The following EIF4G3 variants were observed in gnomAD, a reference collection of about 807,000 sequenced individuals.
The protein encoded by EIF4G3 is eIF-4-gamma 3.
Under a neutral mutation model 186.4 loss-of-function variants are expected in EIF4G3, and 34 were observed. The ratio of observed to expected loss-of-function variants is 0.18; its 90% CI spans 0.14 to 0.24. The LOEUF is 0.24. Among genes scored for constraint, EIF4G3 ranks in the 10% least tolerant of loss-of-function variants. The pLI is 1.00. For missense variants in EIF4G3, 1,536 were observed against 1,948.5 expected, an observed-to-expected ratio of 0.79 and a Z score of 3.99; for synonymous variants, 673 against 679.5, an observed-to-expected ratio of 0.99 and a Z score of 0.15.
chr1:20,975,702 A>G (rs1025695862), intron 10 of EIF4G3, among the ~76,000 whole-genome samples: 1 of 151,594 alleles, frequency 6.6e-6, no homozygotes, highest in African/African-American at 2.4e-5. Flanking sequence ...AGAAATGAGT[A>G]ATTTTTACAT....
At chr1:20,831,278 ATTTT>A (rs35154451) in intron 30 of EIF4G3, among the ~76,000 whole-genome samples, 1 of 142,992 alleles carries the variant, frequency 7.0e-6, no homozygotes, top group Admixed American at 6.9e-5. Flanking sequence ...AAAAATATTA[ATTTT>A]TTTTTTTTTT....
intron 26 of EIF4G3, among the ~76,000 whole-genome samples, chr1:20,854,186 C>A (rs1571691341): frequency 6.6e-6 from 1 of 152,136 alleles, no homozygotes; most frequent in East Asian, 1.9e-4. Flanking sequence ...ATCCAAACAT[C>A]TTTGGTCCTG....
intron 7 of EIF4G3, among the ~76,000 whole-genome samples, chr1:20,997,076 G>A (rs2082451050): frequency 1.3e-5 from 2 of 151,936 alleles, no homozygotes; most frequent in Non-Finnish European, 2.9e-5. Context: ...TATTTTCTAT[G>A]TGTTCTAATA....
chr1:20,813,530 C>T (rs990783833), intron 34 of EIF4G3, among the ~76,000 whole-genome samples: 7 of 151,670 alleles, frequency 4.6e-5, no homozygotes. Context: ...GACTGCACCA[C>T]TGCACTCCAG....
At chr1:21,029,042 C>T (rs2092466207) in intron 4 of EIF4G3, among the ~76,000 whole-genome samples, 1 of 152,118 alleles carries the variant, frequency 6.6e-6, no homozygotes, top group Non-Finnish European at 1.5e-5. Flanking sequence ...GCCAATGCGC[C>T]TGGCCCAAAC....
intron 29 of EIF4G3, among the ~76,000 whole-genome samples, chr1:20,846,879 A>G (rs1473984729): frequency 1.3e-5 from 2 of 152,240 alleles, no homozygotes; most frequent in Admixed American, 1.3e-4. Context: ...TATAAAATAT[A>G]GGTATAAGAA....
At chr1:20,918,775 G>A (rs2094198157) in intron 14 of EIF4G3, among the ~76,000 whole-genome samples, 1 of 143,594 alleles carries the variant, frequency 7.0e-6, no homozygotes, top group East Asian at 2.0e-4. Flanking sequence ...TCAACTCCTG[G>A]GCTCAAGTAA....
intron 14 of EIF4G3, chr1:20,929,374 G>A (rs1398730878): frequency 6.6e-6 from 1 of 152,082 alleles, no homozygotes; most frequent in Non-Finnish European, 1.5e-5. Flanking sequence ...GACATAATGG[G>A]TACAAAAACT....
intron 11 of EIF4G3, among the ~76,000 whole-genome samples, chr1:20,972,234 A>G (rs575258861): frequency 6.6e-6 from 1 of 152,312 alleles, no homozygotes; most frequent in Admixed American, 6.5e-5. Flanking sequence ...CTTAAAAGAT[A>G]TCTATTTCAC....
At chr1:21,083,601 C>T (rs759742346) in intron 3 of EIF4G3, among the ~76,000 whole-genome samples, 12 of 151,848 alleles carry the variant, frequency 7.9e-5, no homozygotes, top group African/African-American at 1.2e-4. Flanking sequence ...TGGGATTACA[C>T]GTTTGAGCCA....
chr1:20,809,260 A>G (rs979997694), intron 36 of EIF4G3, among the ~76,000 whole-genome samples: 1 of 152,196 alleles, frequency 6.6e-6, no homozygotes, highest in African/African-American at 2.4e-5. Flanking sequence ...TTGTAATTAT[A>G]TTAGTTAAGC....
At chr1:21,026,221 A>C (rs1009997401) in intron 4 of EIF4G3, among the ~76,000 whole-genome samples, 6 of 152,240 alleles carry the variant, frequency 3.9e-5, no homozygotes, top group Non-Finnish European at 8.8e-5. Flanking sequence ...AATGGGAAAA[A>C]ATGGCCCAGA....
intron 4 of EIF4G3, among the ~76,000 whole-genome samples, chr1:21,010,220 G>A (rs1451980876): frequency 6.6e-6 from 1 of 151,996 alleles, no homozygotes; most frequent in South Asian, 2.1e-4. Context: ...GTTAAGGCAG[G>A]CGGATCACGA....
chr1:20,899,866 A>T lies in EIF4G3; in HGVS notation c.1830T>A (p.Pro610=). The T allele has an allele frequency of 6.2e-7, 1 of 1,614,084 alleles. No homozygotes were observed. The highest frequency in any genetic ancestry group is 8.5e-7 in the Non-Finnish European group (1 of 1,179,984). Residue 610 remains proline, a synonymous_variant, in exon 16 of 37, where the codon CCT becomes CCA. Coordinates refer to ENST00000602326, the MANE Select transcript of EIF4G3 (RefSeq NM_001391906.1). ...EQDKMSQGFH[P]ERDPSDLKKV... ...TTTTTAGGTCAGAGGGGTCTCTTTCAGGATGAAACCCCTGGCTCATTTTAT... is the reference window on the plus strand; with the variant it reads ...TTTTTAGGTCAGAGGGGTCTCTTTCTGGATGAAACCCCTGGCTCATTTTAT...
At chr1:20,995,832 C>T (rs757914162) in intron 7 of EIF4G3, among the ~76,000 whole-genome samples, 1 of 152,038 alleles carries the variant, frequency 6.6e-6, no homozygotes, top group African/African-American at 2.4e-5. Flanking sequence ...GAAAATAAAC[C>T]AAGGTTTGAA....
chr1:20,846,223 T>C (rs539132329), intron 29 of EIF4G3, among the ~76,000 whole-genome samples: 1 of 152,298 alleles, frequency 6.6e-6, no homozygotes, highest in East Asian at 1.9e-4. Context: ...CAGGTTCATG[T>C]CATCTGCAAA....
chr1:21,166,123 C>CTTTTTTTTTTTTTTTTTTTTTTTTTTTTT (rs1573668577), intron 2 of EIF4G3, among the ~76,000 whole-genome samples: 3 of 105,552 alleles, frequency 2.8e-5, no homozygotes, highest in African/African-American at 5.9e-5. Flanking sequence ...CTTTTTTTTC[C>CTTTTTTTTTTTTTTTTTTTTTTTTTTTTT]TTTTAAAAAT....
At chr1:21,086,938 C>CAA (rs71014153) in intron 3 of EIF4G3, among the ~76,000 whole-genome samples, 35 of 76,562 alleles carry the variant, frequency 4.6e-4, no homozygotes, top group African/African-American at 1.6e-3. Flanking sequence ...GATTCCTTCT[C>CAA]AAAAAAAAAA....
intron 2 of EIF4G3, among the ~76,000 whole-genome samples, chr1:21,158,098 T>TCACTGAAAG (rs959370034): frequency 6.6e-6 from 1 of 151,918 alleles, no homozygotes; most frequent in Non-Finnish European, 1.5e-5. Flanking sequence ...GCCTTCAATG[T>TCACTGAAAG]CACTGAAAGC....
Sources: allele counts gnomAD v4.1 joint callset (sites outside exome capture counted in the v4.1 genomes callset), GRCh38; gene constraint gnomAD v4.1.1; transcripts MANE v1.5; gene names NCBI Gene and HGNC (gene_info 2026-07-23, HGNC 2026-07-21).